The following ANKS6 variants were observed in gnomAD, a reference collection of about 807,000 sequenced individuals.
ANKS6 encodes the protein ankyrin repeat and sterile alpha motif domain containing 6.
Under a neutral mutation model 77.9 loss-of-function variants are expected in ANKS6, and 47 were observed. The observed-to-expected ratio is 0.60, with a 90% CI of 0.48 to 0.77. The LOEUF is 0.77. Among genes scored for constraint, ANKS6 ranks in the 30% least tolerant of loss-of-function variants. The pLI is 0.00. For synonymous variants in ANKS6, 488 were observed against 501.7 expected (o/e 0.97, Z 0.37); for missense variants, 1,150 against 1,159.1 (o/e 0.99, Z 0.11).
chr9:98,780,907 T>C (rs897477020), intron 5 of ANKS6, among the ~76,000 whole-genome samples: 1 of 150,844 alleles, frequency 6.6e-6, no homozygotes, highest in South Asian at 2.1e-4. Flanking sequence ...CTATTTCTTT[T>C]TTTTTTTTTT....
In ANKS6 at chr9:98,790,317, G is replaced by A; in HGVS notation, c.649C>T (p.Pro217Ser). ...CCCACGGTCCGGGCTGCGTGGTTGG[G>A]GTCCGCGCCCCACTCCATCAGTAGA... Reference protein sequence around the residue: ...VRLLMEWGADPNHAARTVGWS... With the variant: ...VRLLMEWGADSNHAARTVGWS... The change falls in exon 2 of 15, where the codon CCC becomes TCC. Residue 217 changes from proline (P) to serine (S), a missense_variant. Transcript: ENST00000353234. The A allele has an allele frequency of 2.5e-6, 4 of 1,608,436 alleles. No homozygotes were observed. Among genetic ancestry groups the A allele is most frequent in the Non-Finnish European group, 1.7e-6 (2 of 1,176,828 alleles).
chr9:98,732,369 A>ATCTT lies in ANKS6; in HGVS notation c.*4146_*4149dup. Reference sequence around the variant, plus strand: ...TCAGCTTCTACGACTTGGTCAAACTATCTTTCTTTCTGTCTGCCATGCCAG... The same window carrying ATCTT: ...TCAGCTTCTACGACTTGGTCAAACTATCTTTCTTTCTTTCTGTCTGCCATGCCAG... On this transcript the variant is annotated 3_prime_UTR_variant, in exon 15 of 15. Coordinates refer to ENST00000353234, the MANE Select transcript of ANKS6 (RefSeq NM_173551.5). The ATCTT allele has an allele frequency of 9.5e-7, 1 of 1,052,484 alleles. No homozygotes were observed. Among genetic ancestry groups the ATCTT allele is most frequent in the Non-Finnish European group, 1.4e-6 (1 of 733,130 alleles). The allele number at this position is 1,052,484 out of a possible 1,614,324, so 65.2% of individuals were successfully genotyped here. A position where few individuals can be genotyped will look rare whatever the true frequency, so the allele number is the denominator to read the frequency against.
chr9:98,743,792 G>C (rs1052121194), intron 14 of ANKS6, among the ~76,000 whole-genome samples: 2 of 152,216 alleles, frequency 1.3e-5, no homozygotes, highest in African/African-American at 2.4e-5. Flanking sequence ...GCTTGGCACA[G>C]AGTGATTCTG....
At chr9:98,750,335 G>A (rs764179729) in intron 13 of ANKS6, among the ~76,000 whole-genome samples, 7 of 152,312 alleles carry the variant, frequency 4.6e-5, no homozygotes, top group Middle Eastern at 3.4e-3. Flanking sequence ...GTTCATCCAC[G>A]TTGCAGCATG....
In ANKS6 at chr9:98,790,397, A is replaced by G; in HGVS notation, c.569T>C (p.Leu190Ser). 1.2e-6 allele frequency: 2 copies of G among 1,613,758 alleles called. No homozygotes were observed. The highest frequency in any genetic ancestry group is 8.5e-7 in the Non-Finnish European group (1 of 1,180,016). ...GGCAGCCATCAGGGCTGTGATGTCC[A>G]AGGGCTCATCCCTGCTGCCGCCCAA... ...LGLGGSRDEP[L>S]DITALMAAIQ... Residue 190 changes from leucine (L) to serine (S), a missense_variant, in exon 2 of 15, where the codon TTG (leucine) becomes TCG (serine). Coordinates refer to ENST00000353234, the MANE Select transcript of ANKS6 (RefSeq NM_173551.5).
chr9:98,796,303 C>G lies in ANKS6; in HGVS notation c.189G>C (p.Gly63=). 1 of 1,262,362 alleles carries G rather than the reference C, an allele frequency of 7.9e-7. No homozygotes were observed. Among genetic ancestry groups the G allele is most frequent in the Non-Finnish European group, 1.0e-6 (1 of 1,003,196 alleles). The allele number at this position is 1,262,362 out of a possible 1,614,324, so 78.2% of individuals were successfully genotyped here. ...CCACGGGCACCGGAGCCCCGACTGC[C>G]CCCGCCGCTGCGGCCCCGGGCCCGG... is the stretch of plus-strand genomic sequence containing the variant. ...EVAGPGAAAA[G]AVGAPVPVDC... is the part of the protein sequence containing the mutation. Residue 63 remains glycine (G), a synonymous_variant, in exon 1 of 15, where the codon GGG becomes GGC. Transcript: ENST00000353234.
intron 13 of ANKS6, among the ~76,000 whole-genome samples, chr9:98,750,539 A>C (rs960632356): frequency 1.3e-5 from 2 of 152,226 alleles, no homozygotes; most frequent in Non-Finnish European, 2.9e-5. Flanking sequence ...TATACCTAGG[A>C]GTAGGACTGC....
At chr9:98,748,624 C>A (rs1029972063) in intron 13 of ANKS6, among the ~76,000 whole-genome samples, 2 of 152,136 alleles carry the variant, frequency 1.3e-5, no homozygotes, top group Non-Finnish European at 2.9e-5. Flanking sequence ...GATGTGATGG[C>A]TGGAGCTCCA....
At chr9:98,794,729 G>A (rs774257669) in intron 1 of ANKS6, among the ~76,000 whole-genome samples, 7 of 152,076 alleles carry the variant, frequency 4.6e-5, no homozygotes, top group Non-Finnish European at 7.4e-5. Flanking sequence ...GCTCACCAGG[G>A]CCCCTGTGCA....
chr9:98,739,071 G>A (rs527328287), intron 14 of ANKS6, among the ~76,000 whole-genome samples: 66 of 150,968 alleles, frequency 4.4e-4, no homozygotes, highest in African/African-American at 1.5e-3. Flanking sequence ...AAGCTAGGAG[G>A]ATGCAAAGGC....
intron 9 of ANKS6, 53 bp downstream of exon 9, chr9:98,773,824 T>A (rs1282128267): frequency 1.4e-6 from 2 of 1,407,250 alleles, no homozygotes; most frequent in Non-Finnish European, 1.9e-6. Flanking sequence ...GAACACACCA[T>A]GATCTCAGTG....
intron 3 of ANKS6, 176 bp from the exon 4 acceptor site, chr9:98,784,333 A>T (rs565063301): frequency 1.9e-6 from 1 of 530,752 alleles, no homozygotes; most frequent in Admixed American, 3.8e-5. Context: ...TAAATGCCTC[A>T]GTCTAGGCGA....
chr9:98,780,255 C>T lies in ANKS6; in HGVS notation c.1302G>A (p.Leu434=), dbSNP rs901128929. 2.5e-6 allele frequency: 4 copies of T among 1,613,716 alleles called. No homozygotes were observed. The highest frequency in any genetic ancestry group is 2.7e-5 in the African/African-American group (2 of 74,922). The change falls in exon 6 of 15, where the codon CTG becomes CTA. Residue 434 remains leucine (L), a synonymous_variant. Coordinates refer to ENST00000353234, the MANE Select transcript of ANKS6 (RefSeq NM_173551.5). ...DKGRPSHQPP[L]PHSKVRQPWS... is the part of the protein sequence containing the mutation. ...AGGGCTGTCGGACCTTCGAGTGGGGCAGGGGAGGCTGGTGGCTCGGCCGGC... is the reference window on the plus strand; with the variant it reads ...AGGGCTGTCGGACCTTCGAGTGGGGTAGGGGAGGCTGGTGGCTCGGCCGGC...
At chr9:98,794,148 C>CAAAAAAAAA (rs375021953) in intron 1 of ANKS6, among the ~76,000 whole-genome samples, 1 of 109,952 alleles carries the variant, frequency 9.1e-6, no homozygotes, top group Admixed American at 9.8e-5. Flanking sequence ...GACTCCGTCT[C>CAAAAAAAAA]AAAAAAAAAA....
Position 98,732,971 on chromosome 9 carries a change from C to G in ANKS6, c.*3548G>C. 1 of 1,026,258 alleles carries G rather than the reference C, an allele frequency of 9.7e-7. No homozygotes were observed. The highest frequency in any genetic ancestry group is 1.2e-6 in the Non-Finnish European group (1 of 850,368). The allele number at this position is 1,026,258 out of a possible 1,614,324, so 63.6% of individuals were successfully genotyped here. Reference sequence around the variant, plus strand: ...TAAACCTGCCCTTTGAGGCCCCACTCCATCTCTCTCCTCTGGGGCGTGCCC... The same window carrying G: ...TAAACCTGCCCTTTGAGGCCCCACTGCATCTCTCTCCTCTGGGGCGTGCCC... On this transcript the variant is annotated 3_prime_UTR_variant, in exon 15 of 15. Coordinates refer to ENST00000353234, the MANE Select transcript of ANKS6 (RefSeq NM_173551.5).
At chr9:98,787,542 C>G (rs1247540602) in intron 2 of ANKS6, among the ~76,000 whole-genome samples, 2 of 152,160 alleles carry the variant, frequency 1.3e-5, no homozygotes, top group Admixed American at 1.3e-4. Flanking sequence ...AGAAAGGTGC[C>G]TGATACATAG....
chr9:98,751,159 A>C, intron 12 of ANKS6, 63 bp from the exon 13 acceptor site: 2 of 1,291,416 alleles, frequency 1.5e-6, no homozygotes, highest in Non-Finnish European at 2.2e-6. Context: ...TGGTCTTCAA[A>C]CCTTTATAAA....
intron 5 of ANKS6, 50 bp from the exon 6 acceptor site, chr9:98,780,387 A>AT: frequency 6.6e-7 from 1 of 1,525,384 alleles, no homozygotes; most frequent in Non-Finnish European, 8.8e-7. Context: ...CTGTTGGGCC[A>AT]TAAGGAGAAG....
chr9:98,739,923 T>C (rs1831731025), intron 14 of ANKS6, among the ~76,000 whole-genome samples: 1 of 151,716 alleles, frequency 6.6e-6, no homozygotes, highest in South Asian at 2.1e-4. Flanking sequence ...ACCCGGCTAA[T>C]TTTTTGTATT....
Sources: gnomAD v4.1 joint callset for allele counts (sites outside exome capture counted in the v4.1 genomes callset) on GRCh38, gnomAD v4.1.1 for gene constraint, MANE v1.5 for transcripts, NCBI Gene and HGNC (gene_info 2026-07-23, HGNC 2026-07-21) for gene names.